The following SVEP1 variants were observed in gnomAD, a reference collection of about 807,000 sequenced individuals.
SVEP1 encodes the protein sushi, von Willebrand factor type A, EGF and pentraxin domain-containing protein 1.
A neutral mutation model predicts 367.3 loss-of-function variants in SVEP1; 164 were observed. The observed-to-expected ratio is 0.45, with a 90% CI of 0.39 to 0.51. The LOEUF (loss-of-function observed/expected upper bound fraction) is 0.51. Ranked by LOEUF, SVEP1 falls within the 20% of genes least tolerant of loss-of-function variation. The pLI is 0.00. For synonymous variants in SVEP1, 1,666 were observed against 1,611.6 expected, an observed-to-expected ratio of 1.03 and a Z score of -0.81; for missense variants, 4,117 against 4,425.3, an observed-to-expected ratio of 0.93 and a Z score of 1.98.
At chr9:110,414,454 C>T (rs1403278036) in intron 36 of SVEP1, among the ~76,000 whole-genome samples, 1 of 151,968 alleles carries the variant, frequency 6.6e-6, no homozygotes, top group Non-Finnish European at 1.5e-5. Context: ...CAGTTAGGGC[C>T]TGCTGCATTT....
At chr9:110,386,115 CTT>C in intron 42 of SVEP1, 41 bp from the exon 43 acceptor site, 1 of 1,581,490 alleles carries the variant, frequency 6.3e-7, no homozygotes, top group East Asian at 2.3e-5. Flanking sequence ...TATTTCCCCT[CTT>C]TTCCTAATGT....
chr9:110,579,382 G>A lies in SVEP1; in HGVS notation c.162C>T (p.Asp54=), dbSNP rs1830665657. Residue 54 remains aspartate (D), a synonymous_variant, in exon 1 of 48, where the codon GAC becomes GAT. Coordinates refer to ENST00000374469, the MANE Select transcript of SVEP1 (RefSeq NM_153366.4). This position sits in a 1 kb window ranked among gnomAD's most constrained non-coding sequence, Gnocchi z 5.3. ...GCTCCACTCTGCTCCCCGCCGCTTC[G>A]TCGCCAGGAGCGGGCGGCGCGGGGA... ...GSIPAPPAPG[D]EAAGSRVERL... The A allele has an allele frequency of 1.9e-6, 3 of 1,565,308 alleles. No individual in the cohort carries two copies. The highest frequency in any genetic ancestry group is 1.4e-5 in the African/African-American group (1 of 73,700).
intron 16 of SVEP1, among the ~76,000 whole-genome samples, chr9:110,470,775 A>AAT (rs995236362): frequency 3.8e-4 from 56 of 148,342 alleles, no homozygotes; most frequent in African/African-American, 5.6e-4. Flanking sequence ...TAGAAAAATA[A>AAT]ATATATATAT....
chr9:110,441,780 T>A (rs1828513143), intron 27 of SVEP1, among the ~76,000 whole-genome samples: 1 of 152,186 alleles, frequency 6.6e-6, no homozygotes, highest in Non-Finnish European at 1.5e-5. Flanking sequence ...GGAAACCTCT[T>A]TGTTGTTTAG....
At position 110,579,431 on chromosome 9, in the gene SVEP1, G is replaced by C. The variant is rs543142891; in HGVS notation, c.113C>G (p.Thr38Ser). 5.0e-6 allele frequency: 8 copies of C among 1,590,188 alleles called. No homozygotes were observed. The highest frequency in any genetic ancestry group is 1.1e-5 in the South Asian group (1 of 87,930). ...RNFSFRLFPE[T>S]APGAPGSIPA... ...GATACTCCCGGGGGCCCCGGGCGCG[G>C]TCTCGGGGAAGAGGCGGAAGCTGAA... The change falls in exon 1 of 48, where the codon ACC becomes AGC. Residue 38 changes from threonine to serine, a missense_variant. By Grantham distance (58) the Thr-to-Ser change is moderately conservative (BLOSUM62 1). Around this residue, in one of 4 missense-constraint regions of SVEP1, gnomAD observed 161 missense variants for 122.4 expected, o/e 1.32. Transcript: ENST00000374469. The surrounding 1 kb of genome is among the most constrained non-coding windows in gnomAD (Gnocchi z 5.3).
chr9:110,450,469 T>TTG (rs1443987010), intron 23 of SVEP1, among the ~76,000 whole-genome samples: 1 of 101,506 alleles, frequency 9.9e-6, no homozygotes, highest in East Asian at 2.2e-4. Context: ...GATAATCTGT[T>TTG]TTTTTTTTTT....
At chr9:110,389,485 A>C (rs200614671) in intron 41 of SVEP1, 39 bp downstream of exon 41, 4 of 1,606,658 alleles carry the variant, frequency 2.5e-6, no homozygotes, top group Middle Eastern at 1.7e-4. Context: ...TTGTGTCCTC[A>C]GTGTCATTTT....
At chr9:110,508,677 C>T (rs1369200823) in intron 5 of SVEP1, among the ~76,000 whole-genome samples, 1 of 142,670 alleles carries the variant, frequency 7.0e-6, no homozygotes, top group Non-Finnish European at 1.5e-5. Flanking sequence ...AGGAGAATGG[C>T]GTGAACCCAG....
chr9:110,555,333 G>A (rs970719610), intron 1 of SVEP1, among the ~76,000 whole-genome samples: 2 of 152,186 alleles, frequency 1.3e-5, no homozygotes, highest in Non-Finnish European at 2.9e-5. Flanking sequence ...AATGAGTGCA[G>A]TGGATAAACT....
intron 22 of SVEP1, among the ~76,000 whole-genome samples, 160 bp downstream of exon 22, chr9:110,455,430 A>T (rs935855641): frequency 6.6e-6 from 1 of 152,250 alleles, no homozygotes; most frequent in Non-Finnish European, 1.5e-5. Flanking sequence ...GGACAAGAAC[A>T]CTTTCCCAAT....
intron 14 of SVEP1, among the ~76,000 whole-genome samples, chr9:110,473,201 T>C (rs369200450): frequency 6.6e-5 from 10 of 152,352 alleles, no homozygotes; most frequent in African/African-American, 2.4e-4. Context: ...TTGTGAACTT[T>C]TTGGCTTTAT....
At chr9:110,547,770 G>C (rs1441120579) in intron 2 of SVEP1, among the ~76,000 whole-genome samples, 2 of 152,098 alleles carry the variant, frequency 1.3e-5, no homozygotes, top group African/African-American at 4.8e-5. Flanking sequence ...ATTGAAAGTA[G>C]CTGCAGAGAA....
intron 3 of SVEP1, among the ~76,000 whole-genome samples, chr9:110,519,939 AGAT>A (rs1588090591): frequency 1.3e-5 from 2 of 152,164 alleles, no homozygotes; most frequent in East Asian, 3.9e-4. Flanking sequence ...GGCTAACATA[AGAT>A]GATTCCATAA....
intron 40 of SVEP1, among the ~76,000 whole-genome samples, chr9:110,391,517 C>CTA (rs1827655221): frequency 1.3e-5 from 2 of 152,100 alleles, no homozygotes; most frequent in Non-Finnish European, 2.9e-5. Context: ...GGTGACCTAC[C>CTA]CGCCTCAGCC....
chr9:110,461,313 T>C (rs1828854221), intron 18 of SVEP1, among the ~76,000 whole-genome samples: 1 of 152,212 alleles, frequency 6.6e-6, no homozygotes, highest in Non-Finnish European at 1.5e-5. Flanking sequence ...GGTATGTCCT[T>C]TCCTTGGATA....
At chr9:110,493,507 G>A (rs1177587448) in intron 8 of SVEP1, among the ~76,000 whole-genome samples, 2 of 152,186 alleles carry the variant, frequency 1.3e-5, no homozygotes, top group Non-Finnish European at 2.9e-5. Flanking sequence ...GGCTAAGGCA[G>A]GAGATCACTG....
Position 110,408,154 on chromosome 9 carries a change from T to G in SVEP1, c.7446A>C (p.Glu2482Asp), listed in dbSNP as rs772817306. The change falls in exon 38 of 48, where the codon GAA becomes GAC. Residue 2482 changes from glutamate to aspartate, a missense_variant. Coordinates refer to ENST00000374469, the MANE Select transcript of SVEP1 (RefSeq NM_153366.4). ...GTTTTCCTCCAAGCCAGTGACCATT[T>G]TCTCCACAAAGGGTGGTAGTATTTC... ...LVGNTTTLCG[E>D]NGHWLGGKPT... 4 of 1,613,824 alleles carry G rather than the reference T, an allele frequency of 2.5e-6. No homozygotes were observed. Among genetic ancestry groups the G allele is most frequent in the Admixed American group, 3.3e-5 (2 of 59,964 alleles).
At position 110,472,165 on chromosome 9, in the gene SVEP1, T is replaced by C; in HGVS notation, c.2758A>G (p.Ile920Val). The C allele has an allele frequency of 6.2e-7, 1 of 1,610,942 alleles. No individual in the cohort carries two copies. The highest frequency in any genetic ancestry group is 1.1e-5 in the South Asian group (1 of 90,130). Residue 920 changes from isoleucine (I) to valine (V), a missense_variant, in exon 15 of 48, where the codon ATC becomes GTC. Coordinates refer to ENST00000374469, the MANE Select transcript of SVEP1 (RefSeq NM_153366.4). Reference protein sequence around the residue: ...SDYKIKLIFNITASVPLPDER... With the variant: ...SDYKIKLIFNVTASVPLPDER... ...ATAGACAGTTTATCCTTACCTGTGA[T>C]GTTAAAAATTAACTTAATTTTATAG...
chr9:110,577,714 C>T (rs965314086), intron 1 of SVEP1, among the ~76,000 whole-genome samples: 7 of 151,708 alleles, frequency 4.6e-5, no homozygotes, highest in African/African-American at 1.7e-4. Flanking sequence ...ACTGGCCTCA[C>T]TATATAAAGA....
Sources: allele counts gnomAD v4.1 joint callset (sites outside exome capture counted in the v4.1 genomes callset), GRCh38; gene constraint gnomAD v4.1.1; regional missense constraint gnomAD v4.1.1; non-coding constraint Gnocchi (gnomAD v3.1); transcripts MANE v1.5; gene names NCBI Gene and HGNC (gene_info 2026-07-23, HGNC 2026-07-21).